The following MACROD2 variants were observed in gnomAD, a reference collection of about 807,000 sequenced individuals.
MACROD2 encodes the protein ADP-ribose glycohydrolase MACROD2.
Under a neutral mutation model 70.4 loss-of-function variants are expected in MACROD2, and 36 were observed. That is an observed-to-expected ratio of 0.51 (90% confidence interval 0.39 to 0.68). The LOEUF (loss-of-function observed/expected upper bound fraction) is 0.68, where lower values mean the gene tolerates loss of function less well. Among genes scored for constraint, MACROD2 ranks in the 30% least tolerant of loss-of-function variants. The pLI, the probability that MACROD2 is intolerant of heterozygous loss-of-function variation, is 0.00. For synonymous variants in MACROD2, 172 were observed against 178.8 expected, an observed-to-expected ratio of 0.96 and a Z score of 0.30; for missense variants, 496 against 538.4, an observed-to-expected ratio of 0.92 and a Z score of 0.78.
chr20:15,481,804 G>A (rs971026677), intron 7 of MACROD2, among the ~76,000 whole-genome samples: 1 of 152,218 alleles, frequency 6.6e-6, no homozygotes, highest in Non-Finnish European at 1.5e-5. Flanking sequence ...AGGTGACTAT[G>A]CAGAAATAAA....
At chr20:15,599,801 C>T (rs1411929693) in intron 8 of MACROD2, among the ~76,000 whole-genome samples, 2 of 152,150 alleles carry the variant, frequency 1.3e-5, no homozygotes, top group Non-Finnish European at 2.9e-5. Context: ...CTCCAGAGGA[C>T]CTGACTCCCT....
chr20:14,187,139 G>GAAAAAAAAAAAAAAAAAAAA (rs71335951), intron 3 of MACROD2, among the ~76,000 whole-genome samples: 1 of 112,974 alleles, frequency 8.9e-6, no homozygotes, highest in Non-Finnish European at 1.8e-5. Flanking sequence ...TTTAAAAAAG[G>GAAAAAAAAAAAAAAAAAAAA]AAAAAAAAAA....
At chr20:14,039,829 A>C (rs1367749059) in intron 2 of MACROD2, among the ~76,000 whole-genome samples, 1 of 151,302 alleles carries the variant, frequency 6.6e-6, no homozygotes, top group Non-Finnish European at 1.5e-5. Context: ...ATTAAGTATG[A>C]CCATTAAAAC....
At chr20:15,790,981 T>C (rs1416536007) in intron 8 of MACROD2, among the ~76,000 whole-genome samples, 2 of 151,950 alleles carry the variant, frequency 1.3e-5, no homozygotes, top group African/African-American at 4.8e-5. Flanking sequence ...TATTACCCTG[T>C]TATGATTTTA....
At chr20:15,995,648 C>CATTTTTT (rs2066618730) in intron 15 of MACROD2, among the ~76,000 whole-genome samples, 1 of 26,966 alleles carries the variant, frequency 3.7e-5, no homozygotes, top group Non-Finnish European at 7.8e-5. Flanking sequence ...CTATGCCCGG[C>CATTTTTT]CTTTTTTTTT....
intron 8 of MACROD2, among the ~76,000 whole-genome samples, chr20:15,637,504 G>T (rs1359671017): frequency 6.6e-6 from 1 of 152,182 alleles, no homozygotes; most frequent in Admixed American, 6.5e-5. Flanking sequence ...CCAGCCAAAG[G>T]GTTGTTTCAG....
intron 10 of MACROD2, among the ~76,000 whole-genome samples, chr20:15,887,266 T>C (rs1485561231): frequency 6.6e-6 from 1 of 152,146 alleles, no homozygotes; most frequent in Non-Finnish European, 1.5e-5. Context: ...TAAAAGTTCA[T>C]TGGAACAAGG....
intron 8 of MACROD2, among the ~76,000 whole-genome samples, chr20:15,800,790 G>C (rs188747159): frequency 8.5e-5 from 13 of 152,104 alleles, no homozygotes; most frequent in Admixed American, 5.2e-4. Context: ...GATGGTTGCT[G>C]TGTCTGTGTA....
chr20:14,508,104 C>A (rs564957279), intron 4 of MACROD2, among the ~76,000 whole-genome samples: 1 of 152,162 alleles, frequency 6.6e-6, no homozygotes, highest in South Asian at 2.1e-4. Context: ...CAGATAAGCC[C>A]AGGGCTGGAT....
intron 5 of MACROD2, chr20:15,021,583 G>A (rs1342961508): frequency 6.6e-6 from 1 of 151,410 alleles, no homozygotes; most frequent in African/African-American, 2.4e-5. Flanking sequence ...AAGTTTCCAT[G>A]TCATCCATGC....
intron 3 of MACROD2, among the ~76,000 whole-genome samples, chr20:14,331,574 G>A (rs963558346): frequency 4.6e-5 from 7 of 152,010 alleles, no homozygotes; most frequent in African/African-American, 1.7e-4. Context: ...ATACTCTTTC[G>A]GAAATGAAGA....
chr20:16,015,494 C>A (rs546414723), intron 15 of MACROD2, among the ~76,000 whole-genome samples: 14 of 152,202 alleles, frequency 9.2e-5, no homozygotes, highest in Admixed American at 3.3e-4. Flanking sequence ...TACAGAATTT[C>A]CCTGGATATG....
chr20:15,835,346 C>T (rs2064102192), intron 8 of MACROD2, among the ~76,000 whole-genome samples: 1 of 151,798 alleles, frequency 6.6e-6, no homozygotes, highest in African/African-American at 2.4e-5. Flanking sequence ...CCATGGGAAC[C>T]AATATTATGG....
chr20:15,619,608 C>T, intron 8 of MACROD2: 3 of 454,066 alleles, frequency 6.6e-6, no homozygotes, highest in Non-Finnish European at 1.2e-5. Flanking sequence ...GCTGCTTATT[C>T]TCCTATTTGG....
intron 6 of MACROD2, among the ~76,000 whole-genome samples, chr20:15,341,927 A>C (rs2078114447): frequency 6.6e-6 from 1 of 152,110 alleles, no homozygotes; most frequent in African/African-American, 2.4e-5. Context: ...GGTGGTGTGC[A>C]CTTGTAATCT....
At chr20:15,209,109 G>T (rs1190242391) in intron 5 of MACROD2, among the ~76,000 whole-genome samples, 4 of 127,870 alleles carry the variant, frequency 3.1e-5, no homozygotes, top group Non-Finnish European at 5.2e-5. Context: ...GGTGGTGGTG[G>T]TGGTGGTATT....
intron 7 of MACROD2, among the ~76,000 whole-genome samples, chr20:15,445,241 C>T (rs2046547015): frequency 6.6e-6 from 1 of 152,154 alleles, no homozygotes; most frequent in African/African-American, 2.4e-5. Flanking sequence ...TCTCAGCCAC[C>T]TCTGAGTCCT....
chr20:15,703,940 C>G (rs1280088569), intron 8 of MACROD2, among the ~76,000 whole-genome samples: 1 of 152,106 alleles, frequency 6.6e-6, no homozygotes, highest in Non-Finnish European at 1.5e-5. Flanking sequence ...GATATAGCCC[C>G]AGAAATCACA....
intron 4 of MACROD2, among the ~76,000 whole-genome samples, chr20:14,665,424 T>C (rs575604939): frequency 6.6e-6 from 1 of 152,160 alleles, no homozygotes; most frequent in South Asian, 2.1e-4. Context: ...TGATAAGCCC[T>C]GACCTAATGA....
Sources: allele counts gnomAD v4.1 joint callset (sites outside exome capture counted in the v4.1 genomes callset), GRCh38; gene constraint gnomAD v4.1.1; transcripts MANE v1.5; gene names NCBI Gene and HGNC (gene_info 2026-07-23, HGNC 2026-07-21).